KCNIP4: variants seen among roughly 807,000 people sequenced by gnomAD.
The protein encoded by KCNIP4 is potassium voltage-gated channel interacting protein 4.
KCNIP4 carries 12 observed loss-of-function variants against 34.0 expected under a neutral mutation model. That is an observed-to-expected ratio of 0.35 (90% CI 0.23 to 0.57). The LOEUF is 0.57. KCNIP4 is among the 20% of genes least tolerant of loss of function. KCNIP4 has a pLI of 0.83. For missense variants in KCNIP4, 238 were observed against 311.7 expected, an observed-to-expected ratio of 0.76 and a Z score of 1.78; for synonymous variants, 124 against 102.2, an observed-to-expected ratio of 1.21 and a Z score of -1.29.
At chr4:21,591,545 C>G (rs1354550820) in intron 1 of KCNIP4, among the ~76,000 whole-genome samples, 7 of 151,948 alleles carry the variant, frequency 4.6e-5, no homozygotes, top group African/African-American at 9.7e-5. Context: ...TGCCCTATAA[C>G]TCCTTTTGGA....
intron 3 of KCNIP4, among the ~76,000 whole-genome samples, chr4:20,759,516 C>T (rs1165327783): frequency 6.6e-6 from 1 of 152,084 alleles, no homozygotes; most frequent in Admixed American, 6.6e-5. Flanking sequence ...CCACCTTTGT[C>T]CCTGGGTCAA....
intron 1 of KCNIP4, among the ~76,000 whole-genome samples, chr4:21,394,589 C>T (rs921137543): frequency 6.6e-6 from 1 of 152,126 alleles, no homozygotes; most frequent in Non-Finnish European, 1.5e-5. Context: ...CCCCATGCTA[C>T]TTTTAAAAAG....
At chr4:21,492,268 G>T (rs1471528100) in intron 1 of KCNIP4, among the ~76,000 whole-genome samples, 1 of 152,098 alleles carries the variant, frequency 6.6e-6, no homozygotes, top group Non-Finnish European at 1.5e-5. Flanking sequence ...GCCCAAGTTG[G>T]AGTGCAGTGG....
intron 1 of KCNIP4, among the ~76,000 whole-genome samples, chr4:21,276,828 A>G (rs528175168): frequency 5.9e-5 from 9 of 152,244 alleles, no homozygotes; most frequent in Non-Finnish European, 8.8e-5. Flanking sequence ...GAGCTCTGAG[A>G]ATTTTTGTTT....
intron 2 of KCNIP4, among the ~76,000 whole-genome samples, chr4:20,852,209 T>C (rs576164297): frequency 6.6e-6 from 1 of 152,214 alleles, no homozygotes; most frequent in South Asian, 2.1e-4. Flanking sequence ...TTGATGAACA[T>C]AGATGTTAAA....
intron 1 of KCNIP4, among the ~76,000 whole-genome samples, chr4:21,380,964 G>A (rs1381888788): frequency 6.6e-6 from 1 of 152,098 alleles, no homozygotes; most frequent in Non-Finnish European, 1.5e-5. Flanking sequence ...TTAGCTCTAG[G>A]ATGCAAGCCC....
At chr4:21,757,159 G>GA (rs1252299785) in intron 1 of KCNIP4, among the ~76,000 whole-genome samples, 1 of 40,790 alleles carries the variant, frequency 2.5e-5, no homozygotes, top group African/African-American at 8.8e-5. Flanking sequence ...AAGAAAGAAA[G>GA]AAAGAAAGAA....
At chr4:21,042,639 TAAC>T (rs1433501049) in intron 1 of KCNIP4, among the ~76,000 whole-genome samples, 2 of 152,098 alleles carry the variant, frequency 1.3e-5, no homozygotes, top group African/African-American at 4.8e-5. Flanking sequence ...TGATTAGAGT[TAAC>T]AATAATGCAT....
At chr4:21,944,486 G>A (rs1265050711) in intron 1 of KCNIP4, among the ~76,000 whole-genome samples, 1 of 150,380 alleles carries the variant, frequency 6.6e-6, no homozygotes, top group East Asian at 2.0e-4. Context: ...GAACCCAAGA[G>A]GCAGAGATTG....
At chr4:20,779,051 A>G (rs1179233973) in intron 3 of KCNIP4, among the ~76,000 whole-genome samples, 1 of 152,182 alleles carries the variant, frequency 6.6e-6, no homozygotes, top group African/African-American at 2.4e-5. Context: ...TCAAGATATC[A>G]TAGGAAGTGG....
intron 1 of KCNIP4, among the ~76,000 whole-genome samples, chr4:21,394,761 G>A (rs138870295): frequency 1.5e-4 from 23 of 152,250 alleles, no homozygotes; most frequent in Admixed American, 3.3e-4. Flanking sequence ...TACCCACAAT[G>A]TGCTTCCTAG....
At chr4:21,262,803 T>G (rs1761556017) in intron 1 of KCNIP4, among the ~76,000 whole-genome samples, 1 of 152,200 alleles carries the variant, frequency 6.6e-6, no homozygotes, top group Non-Finnish European at 1.5e-5. Context: ...ATTCCAAGCA[T>G]TTATCAAAAA....
At chr4:20,973,738 C>T (rs1735208222) in intron 1 of KCNIP4, among the ~76,000 whole-genome samples, 1 of 152,004 alleles carries the variant, frequency 6.6e-6, no homozygotes, top group Non-Finnish European at 1.5e-5. Context: ...TATTAATTGG[C>T]CTAATTTCAT....
intron 1 of KCNIP4, among the ~76,000 whole-genome samples, chr4:21,690,757 C>G (rs1044466697): frequency 2.0e-5 from 3 of 152,102 alleles, no homozygotes; most frequent in Non-Finnish European, 4.4e-5. Context: ...AAACCATAGC[C>G]GTATCTCACT....
chr4:21,090,369 A>G (rs2109042338), intron 1 of KCNIP4, among the ~76,000 whole-genome samples: 1 of 152,290 alleles, frequency 6.6e-6, no homozygotes, highest in Non-Finnish European at 1.5e-5. Flanking sequence ...CAAAGACAAT[A>G]GAAAATTCAA....
chr4:21,694,914 C>CAAAAAAAAAAAAAAAAAAAAAAAAAA (rs368053041), intron 1 of KCNIP4, among the ~76,000 whole-genome samples: 2 of 46,490 alleles, frequency 4.3e-5, no homozygotes, highest in African/African-American at 1.3e-4. Flanking sequence ...CACGATTGAC[C>CAAAAAAAAAAAAAAAAAAAAAAAAAA]AAAAAAAAAA....
rs186440279 is a variant in KCNIP4, at chr4:21,204,705, C to T, written c.62-321996G>A. On this transcript the variant is annotated intron_variant, in intron 1 of 8. Transcript: ENST00000382152. ...TTAAATATGATAAAGTATACATAAG[C>T]AGAAGGAAACATTGGAAATAGATGT... Among the ~76,000 whole-genome samples, 453 of 152,194 alleles carry T rather than the reference C, an allele frequency of 3.0e-3. 1 individual carries two copies. Among genetic ancestry groups the T allele is most frequent in the African/African-American group, 0.01 (426 of 41,510 alleles).
At chr4:20,894,349 GT>G (rs1726274192) in intron 1 of KCNIP4, among the ~76,000 whole-genome samples, 1 of 152,130 alleles carries the variant, frequency 6.6e-6, no homozygotes, top group Non-Finnish European at 1.5e-5. Context: ...GTGTATTTTC[GT>G]GTTGGAGTGT....
intron 1 of KCNIP4, among the ~76,000 whole-genome samples, chr4:21,802,416 T>C (rs1721054505): frequency 1.3e-5 from 2 of 152,172 alleles, no homozygotes; most frequent in South Asian, 2.1e-4. Flanking sequence ...TTGGGGAGCA[T>C]AGTTTTTGTT....
Sources: gnomAD v4.1 joint callset for allele counts (sites outside exome capture counted in the v4.1 genomes callset) on GRCh38, gnomAD v4.1.1 for gene constraint, MANE v1.5 for transcripts, NCBI Gene and HGNC (gene_info 2026-07-23, HGNC 2026-07-21) for gene names.